RAP1GDS1: variants seen among roughly 807,000 people sequenced by gnomAD.
The protein encoded by RAP1GDS1 is RAP1, GTP-GDP dissociation stimulator 1.
Under a neutral mutation model 71.1 loss-of-function variants are expected in RAP1GDS1, and 35 were observed. That is an observed-to-expected ratio of 0.49 (90% CI 0.38 to 0.65). The LOEUF (loss-of-function observed/expected upper bound fraction) is 0.65. RAP1GDS1 is among the 30% of genes least tolerant of loss of function. RAP1GDS1 has a pLI of 0.00. For synonymous variants in RAP1GDS1, 229 were observed against 243.1 expected, an observed-to-expected ratio of 0.94 and a Z score of 0.54; for missense variants, 663 against 706.1, an observed-to-expected ratio of 0.94 and a Z score of 0.69.
At chr4:98,299,461 A>G (rs1341238477) in intron 2 of RAP1GDS1, among the ~76,000 whole-genome samples, 1 of 152,204 alleles carries the variant, frequency 6.6e-6, no homozygotes, top group African/African-American at 2.4e-5. Flanking sequence ...GACTTTGAGT[A>G]GTTCAAAACC....
intron 7 of RAP1GDS1, among the ~76,000 whole-genome samples, chr4:98,410,797 C>T (rs1248422665): frequency 6.6e-6 from 1 of 151,988 alleles, no homozygotes. Context: ...AAAAGTAAAA[C>T]TAAACTGTAG....
intron 1 of RAP1GDS1, among the ~76,000 whole-genome samples, chr4:98,278,565 G>T (rs1216720436): frequency 6.6e-6 from 1 of 152,166 alleles, no homozygotes; most frequent in Non-Finnish European, 1.5e-5. Flanking sequence ...TAATCAGAAT[G>T]ATATAAGAAA....
chr4:98,261,408 G>A lies in RAP1GDS1; in HGVS notation c.-158G>A. On this transcript the variant is annotated 5_prime_UTR_variant, in exon 1 of 15. Transcript: ENST00000408927. ...CGCTCGTCCCCGCCGCGGCCGCGCC[G>A]CCTGCAGCAGCACCAGCTGCTCCTC... is the stretch of plus-strand genomic sequence containing the variant. 3.6e-6 allele frequency: 1 copy of A among 279,846 alleles called. No individual in the cohort carries two copies. The highest frequency in any genetic ancestry group is 5.5e-6 in the Non-Finnish European group (1 of 180,632). 17.3% of individuals were successfully genotyped at this position (279,846 alleles called of 1,614,324 possible). A position where few individuals can be genotyped will look rare whatever the true frequency, so the allele number is the denominator to read the frequency against.
intron 6 of RAP1GDS1, among the ~76,000 whole-genome samples, chr4:98,392,737 T>C (rs1362814866): frequency 6.6e-6 from 1 of 152,136 alleles, no homozygotes; most frequent in Non-Finnish European, 1.5e-5. Context: ...TTCATATAAA[T>C]TGCATTTTTC....
At position 98,443,015 on chromosome 4, in the gene RAP1GDS1, A is replaced by ATTTTTTTTTTTTTTTTTTTTTTTTTT. The variant is rs397994660; in HGVS notation, c.*921_*922insTTTTTTTTTTTTTTTTTTTTTTTTTT. ...TGAGTATAGTTCATTGAAGAATGGAATTTTTTTTTTTTTTTTTTTTTTTGC... is the reference window on the plus strand; with the variant it reads ...TGAGTATAGTTCATTGAAGAATGGAATTTTTTTTTTTTTTTTTTTTTTTTTTTTTTTTTTTTTTTTTTTTTTTTTGC... On this transcript the variant is annotated 3_prime_UTR_variant, in exon 15 of 15. Coordinates refer to ENST00000408927, the MANE Select transcript of RAP1GDS1 (RefSeq NM_001100427.2). 5 of 138,340 alleles carry ATTTTTTTTTTTTTTTTTTTTTTTTTT rather than the reference A, an allele frequency of 3.6e-5. No homozygotes were observed. The highest frequency in any genetic ancestry group is 9.6e-5 in the Admixed American group (1 of 10,410). 8.6% of individuals were successfully genotyped at this position (138,340 alleles called of 1,614,324 possible). A position where few individuals can be genotyped will look rare whatever the true frequency, so the allele number is the denominator to read the frequency against.
intron 2 of RAP1GDS1, among the ~76,000 whole-genome samples, chr4:98,296,413 TTCTC>T (rs1190036653): frequency 7.2e-5 from 11 of 152,128 alleles, no homozygotes; most frequent in Non-Finnish European, 1.6e-4. Context: ...TTGGCAGTAT[TTCTC>T]TCTGTAACGT....
intron 2 of RAP1GDS1, among the ~76,000 whole-genome samples, chr4:98,322,346 C>T (rs1411972910): frequency 0.043 from 4,341 of 100,160 alleles, 120 homozygotes; most frequent in Admixed American, 0.092. Context: ...CCACTGTCAA[C>T]ATTAGACAGA....
chr4:98,319,695 C>T (rs368908359), intron 2 of RAP1GDS1, among the ~76,000 whole-genome samples: 33 of 150,098 alleles, frequency 2.2e-4, no homozygotes, highest in African/African-American at 7.6e-4. Flanking sequence ...GCACAGGAAT[C>T]GCTTGAACTC....
intron 2 of RAP1GDS1, among the ~76,000 whole-genome samples, chr4:98,319,213 C>A (rs2110336313): frequency 6.6e-6 from 1 of 152,198 alleles, no homozygotes; most frequent in South Asian, 2.1e-4. Context: ...TAGGCACTTA[C>A]CTAAGTATTT....
intron 9 of RAP1GDS1, among the ~76,000 whole-genome samples, chr4:98,417,719 G>C (rs372325126): frequency 1.3e-5 from 2 of 152,268 alleles, no homozygotes; most frequent in South Asian, 4.1e-4. Flanking sequence ...ATATCATGAA[G>C]TGCTTCTTTT....
intron 13 of RAP1GDS1, among the ~76,000 whole-genome samples, chr4:98,436,147 T>C (rs2110222239): frequency 6.6e-6 from 1 of 152,160 alleles, no homozygotes; most frequent in East Asian, 1.9e-4. Context: ...CTTTGTCCCA[T>C]GGATGTCTAA....
intron 7 of RAP1GDS1, among the ~76,000 whole-genome samples, chr4:98,412,074 C>T (rs1484182917): frequency 3.3e-5 from 5 of 152,100 alleles, no homozygotes; most frequent in African/African-American, 1.2e-4. Flanking sequence ...TTAAAATTGC[C>T]TGAAAGTCTT....
At chr4:98,302,978 G>A (rs569292560) in intron 2 of RAP1GDS1, among the ~76,000 whole-genome samples, 4 of 152,098 alleles carry the variant, frequency 2.6e-5, no homozygotes, top group East Asian at 1.9e-4. Flanking sequence ...CCCGGGAGAC[G>A]GAGGTTGCAG....
At chr4:98,303,003 G>A (rs907313467) in intron 2 of RAP1GDS1, among the ~76,000 whole-genome samples, 1 of 151,662 alleles carries the variant, frequency 6.6e-6, no homozygotes, top group Non-Finnish European at 1.5e-5. Flanking sequence ...CAGAGATTGC[G>A]TGACTGCACT....
chr4:98,405,874 C>A (rs1275935996), intron 7 of RAP1GDS1, among the ~76,000 whole-genome samples: 1 of 151,424 alleles, frequency 6.6e-6, no homozygotes, highest in Non-Finnish European at 1.5e-5. Flanking sequence ...TTGAATATAT[C>A]AAAAAAATAA....
At chr4:98,380,781 G>A (rs1741886123) in intron 5 of RAP1GDS1, among the ~76,000 whole-genome samples, 1 of 151,652 alleles carries the variant, frequency 6.6e-6, no homozygotes, top group African/African-American at 2.4e-5. Flanking sequence ...AACACTAAAT[G>A]GGAAAAAGTT....
intron 3 of RAP1GDS1, among the ~76,000 whole-genome samples, chr4:98,347,684 C>G (rs1194674677): frequency 6.6e-6 from 1 of 152,018 alleles, no homozygotes; most frequent in African/African-American, 2.4e-5. Context: ...GCAGTACTGC[C>G]CCTTTCCCCG....
At chr4:98,278,947 G>T (rs930498661) in intron 1 of RAP1GDS1, among the ~76,000 whole-genome samples, 1 of 152,012 alleles carries the variant, frequency 6.6e-6, no homozygotes, top group Non-Finnish European at 1.5e-5. Flanking sequence ...ACTAGGCCGG[G>T]CGCGGTGGCT....
At chr4:98,406,501 T>C (rs1026585555) in intron 7 of RAP1GDS1, among the ~76,000 whole-genome samples, 10 of 151,984 alleles carry the variant, frequency 6.6e-5, no homozygotes, top group African/African-American at 2.4e-4. Context: ...ATAACCGTTA[T>C]ACATTATCCC....
Sources: allele counts gnomAD v4.1 joint callset (sites outside exome capture counted in the v4.1 genomes callset), GRCh38; gene constraint gnomAD v4.1.1; transcripts MANE v1.5; gene names NCBI Gene and HGNC (gene_info 2026-07-23, HGNC 2026-07-21).